The following ZSCAN2 variants were observed in gnomAD, a reference collection of about 807,000 sequenced individuals.
The protein encoded by ZSCAN2 is zinc finger and SCAN domain-containing protein 2.
In ZSCAN2, 26 loss-of-function variants were observed where a neutral mutation model predicts 47.8. The observed-to-expected ratio is 0.54, with a 90% CI of 0.40 to 0.75. The LOEUF (loss-of-function observed/expected upper bound fraction) is 0.75. Among genes scored for constraint, ZSCAN2 ranks in the 30% least tolerant of loss-of-function variants. The pLI, the probability that ZSCAN2 is intolerant of heterozygous loss-of-function variation, is 0.00. For synonymous variants in ZSCAN2, 305 were observed against 288.7 expected, an observed-to-expected ratio of 1.06 and a Z score of -0.57; for missense variants, 732 against 785.4, an observed-to-expected ratio of 0.93 and a Z score of 0.81.
chr15:84,618,333 T>G (rs1371940721), intron 2 of ZSCAN2, among the ~76,000 whole-genome samples: 2 of 151,958 alleles, frequency 1.3e-5, no homozygotes, highest in Non-Finnish European at 2.9e-5. Flanking sequence ...CAGGAGAATC[T>G]CTTGAACTCG....
rs1434448229 is a variant in ZSCAN2, at chr15:84,621,248, G to C, written c.1053G>C (p.Thr351=). The change falls in exon 3 of 3, where the codon ACG becomes ACC. Residue 351 remains threonine (T), a synonymous_variant. Coordinates refer to ENST00000546148, the MANE Select transcript of ZSCAN2 (RefSeq NM_181877.4). The surrounding 1 kb of genome is among the most constrained non-coding windows in gnomAD (Gnocchi z 5.7). ...TTGGCAACCGATCCAGCCTTAACAC[G>C]CATCAGGGGATCCACACTGGAGAAA... ...KSFGNRSSLN[T]HQGIHTGEKP... 1.2e-6 allele frequency: 2 copies of C among 1,613,034 alleles called. No individual in the cohort carries two copies. The highest frequency in any genetic ancestry group is 3.3e-5 in the Admixed American group (2 of 59,894).
At chr15:84,612,287 A>G (rs1191821661) in intron 2 of ZSCAN2, 1 of 152,334 alleles carries the variant, frequency 6.6e-6, no homozygotes, top group Non-Finnish European at 1.5e-5. Flanking sequence ...AGAACTGCCA[A>G]CCTTCCTTTG....
intron 2 of ZSCAN2, chr15:84,616,264 A>T (rs373380226): frequency 2.6e-4 from 244 of 942,558 alleles, no homozygotes; most frequent in Non-Finnish European, 3.5e-4. Flanking sequence ...AATACCTTGG[A>T]TTAATGTGCG....
At position 84,620,880 on chromosome 15, in the gene ZSCAN2, AAG is replaced by A; in HGVS notation, c.687_688del (p.Lys229AsnfsTer24). 1 of 1,614,188 alleles carries A rather than the reference AAG, an allele frequency of 6.2e-7. No individual in the cohort carries two copies. Among genetic ancestry groups the A allele is most frequent in the Non-Finnish European group, 8.5e-7 (1 of 1,180,032 alleles). On this transcript the variant is annotated frameshift_variant, in exon 3 of 3. Coordinates refer to ENST00000546148, the MANE Select transcript of ZSCAN2 (RefSeq NM_181877.4). LOFTEE classifies it high-confidence loss of function. ...EKPYECPQCG[K>X]TFSRKSHLIT... is the part of the protein sequence containing the mutation. The stretch of plus-strand genomic sequence containing the variant: ...GCCCTACGAATGTCCCCAGTGTGGG[AAG>A]ACCTTCAGCCGGAAATCCCACCTCA...
chr15:84,617,367 C>T (rs1038661698), intron 2 of ZSCAN2, among the ~76,000 whole-genome samples: 35 of 151,866 alleles, frequency 2.3e-4, no homozygotes, highest in Non-Finnish European at 1.5e-4. Flanking sequence ...ACCTGGGAGG[C>T]GGAGCTTGCC....
chr15:84,614,235 TCTCAC>T (rs1388391110), intron 2 of ZSCAN2, among the ~76,000 whole-genome samples: 1 of 152,020 alleles, frequency 6.6e-6, no homozygotes, highest in Non-Finnish European at 1.5e-5. Flanking sequence ...CATGCAGTCC[TCTCAC>T]CTCAGCCATC....
At position 84,615,438 on chromosome 15, in the gene ZSCAN2, G is replaced by A. The variant is rs187315586; in HGVS notation, c.407-5164G>A. Among the ~76,000 whole-genome samples the A allele has an allele frequency of 2.1e-3, 322 of 152,176 alleles. 1 individual carries two copies. The highest frequency in any genetic ancestry group is 7.5e-3 in the African/African-American group (310 of 41,518). ...CTCTGCCTCCTGGCCTCAAGCAATC[G>A]TCCTGCCTTGGCCTCTTAAGTAGCT... is the stretch of plus-strand genomic sequence containing the variant. On this transcript the variant is annotated intron_variant, in intron 2 of 2. Transcript: ENST00000546148.
chr15:84,621,747 G>A lies in ZSCAN2; in HGVS notation c.1552G>A (p.Val518Ile), dbSNP rs140896195. Residue 518 changes from valine (V) to isoleucine (I), a missense_variant, in exon 3 of 3, where the codon GTA (valine) becomes ATA (isoleucine). By Grantham distance (29) the Val-to-Ile change is conservative (BLOSUM62 3). Around this residue, in one of 2 missense-constraint regions of ZSCAN2, gnomAD observed 412 missense variants for 498.0 expected, o/e 0.83. Coordinates refer to ENST00000546148, the MANE Select transcript of ZSCAN2 (RefSeq NM_181877.4). The surrounding 1 kb of genome is among the most constrained non-coding windows in gnomAD (Gnocchi z 5.7). ...ATGCTTCAGCCAGCGCTCCCAGCTC[G>A]TAGTGCACCAGCGGACCCACACGGG... ...GKCFSQRSQL[V>I]VHQRTHTGEK... 55 of 1,613,974 alleles carry A rather than the reference G, an allele frequency of 3.4e-5. No homozygotes were observed. Among genetic ancestry groups the A allele is most frequent in the African/African-American group, 1.9e-4 (14 of 74,890 alleles).
chr15:84,619,932 T>G (rs1280065329), intron 2 of ZSCAN2, among the ~76,000 whole-genome samples: 2 of 151,656 alleles, frequency 1.3e-5, no homozygotes. Context: ...GGTTGGTTTT[T>G]TTTTTTTTTT....
In ZSCAN2 at chr15:84,622,313, A is replaced by G. The variant is rs1182137324; in HGVS notation, c.*273A>G. The G allele has an allele frequency of 3.5e-6, 2 of 574,780 alleles. No individual in the cohort carries two copies. The highest frequency in any genetic ancestry group is 4.7e-5 in the South Asian group (2 of 42,730). 35.6% of individuals were successfully genotyped at this position (574,780 alleles called of 1,614,324 possible). A position where few individuals can be genotyped will look rare whatever the true frequency, so the allele number is the denominator to read the frequency against. ...GTGACTTGATTGGCCCCCTCTCATG[A>G]TTCCTCTGTGCCTCAGTTTCCTCTT... On this transcript the variant is annotated 3_prime_UTR_variant, in exon 3 of 3. Transcript: ENST00000546148.
At chr15:84,603,424 A>G (rs938424853) in intron 1 of ZSCAN2, among the ~76,000 whole-genome samples, 3 of 146,010 alleles carry the variant, frequency 2.1e-5, no homozygotes, top group African/African-American at 7.7e-5. Context: ...GCTGGAGTGC[A>G]GTGGCGAGAT....
rs1331867763 is a variant in ZSCAN2 at position 84,621,979 on chromosome 15, T to C, written c.1784T>C (p.Phe595Ser). Residue 595 changes from phenylalanine to serine, a missense_variant, in exon 3 of 3, where the codon TTC becomes TCC. Coordinates refer to ENST00000546148, the MANE Select transcript of ZSCAN2 (RefSeq NM_181877.4). This position sits in a 1 kb window ranked among gnomAD's most constrained non-coding sequence, Gnocchi z 5.7. Reference sequence around the variant, plus strand: ...AAATGCCCCGAGTGTGGCAAAGGCTTCAGCAACAGCTCTAACTTTATCACA... The same window carrying C: ...AAATGCCCCGAGTGTGGCAAAGGCTCCAGCAACAGCTCTAACTTTATCACA... ...PYKCPECGKG[F>S]SNSSNFITHQ... The C allele has an allele frequency of 6.8e-6, 11 of 1,614,106 alleles. No individual in the cohort carries two copies. Among genetic ancestry groups the C allele is most frequent in the Non-Finnish European group, 8.5e-6 (10 of 1,179,970 alleles).
intron 2 of ZSCAN2, among the ~76,000 whole-genome samples, chr15:84,609,557 G>A (rs1487164574): frequency 6.6e-6 from 1 of 152,160 alleles, no homozygotes; most frequent in Non-Finnish European, 1.5e-5. Context: ...GAGCGGTAAC[G>A]TTATACCTAT....
intron 2 of ZSCAN2, chr15:84,606,501 T>C: frequency 3.8e-6 from 6 of 1,569,428 alleles, no homozygotes; most frequent in Non-Finnish European, 4.4e-6. Context: ...TCTATTAAAA[T>C]AAGCAAACCT....
chr15:84,618,461 G>C (rs970457221), intron 2 of ZSCAN2, among the ~76,000 whole-genome samples: 2 of 152,056 alleles, frequency 1.3e-5, no homozygotes, highest in African/African-American at 2.4e-5. Flanking sequence ...TTGAGGTCAA[G>C]AGGGAAATTT....
At position 84,604,189 on chromosome 15, in the gene ZSCAN2, C is replaced by CT; in HGVS notation, c.263dup (p.Arg89GlufsTer28). The CT allele has an allele frequency of 6.2e-7, 1 of 1,613,768 alleles. No individual in the cohort carries two copies. The highest frequency in any genetic ancestry group is 1.1e-5 in the South Asian group (1 of 91,062). On this transcript the variant is annotated frameshift_variant, in exon 2 of 3. Transcript: ENST00000546148. LOFTEE classifies it high-confidence loss of function. ...CCTCCGAGAGCTCTGCCGGCGCTGG[C>CT]TGAGACCAGAGGTACACACCAAGGA... is the stretch of plus-strand genomic sequence containing the variant.
chr15:84,602,468 G>C (rs913454251), intron 1 of ZSCAN2, among the ~76,000 whole-genome samples: 6 of 152,006 alleles, frequency 3.9e-5, no homozygotes, highest in Non-Finnish European at 7.4e-5. Context: ...ATTGCCAAAT[G>C]AAGATATTGA....
At chr15:84,610,694 T>G (rs1379103020) in intron 2 of ZSCAN2, among the ~76,000 whole-genome samples, 5 of 151,992 alleles carry the variant, frequency 3.3e-5, no homozygotes, top group African/African-American at 1.2e-4. Flanking sequence ...ACCATGTTGG[T>G]CAGGCTGGTC....
Position 84,622,700 on chromosome 15 carries a change from G to C in ZSCAN2, c.*660G>C. 1.4e-6 allele frequency: 1 copy of C among 717,328 alleles called. No individual in the cohort carries two copies. The highest frequency in any genetic ancestry group is 1.5e-5 in the South Asian group (1 of 67,554). The allele number at this position is 717,328 out of a possible 1,614,324, so 44.4% of individuals were successfully genotyped here. A position where few individuals can be genotyped will look rare whatever the true frequency, so the allele number is the denominator to read the frequency against. Reference sequence around the variant, plus strand: ...AGTACAGCCTGGAGCCAGTGTCCCAGTGTCCTTTCCATTGGTAAGAGTTGG... The same window carrying C: ...AGTACAGCCTGGAGCCAGTGTCCCACTGTCCTTTCCATTGGTAAGAGTTGG... On this transcript the variant is annotated 3_prime_UTR_variant, in exon 3 of 3. Coordinates refer to ENST00000546148, the MANE Select transcript of ZSCAN2 (RefSeq NM_181877.4).
Sources: gnomAD v4.1 joint callset for allele counts (sites outside exome capture counted in the v4.1 genomes callset) on GRCh38, gnomAD v4.1.1 for gene constraint, gnomAD v4.1.1 regional missense constraint, Gnocchi (gnomAD v3.1) non-coding constraint, MANE v1.5 for transcripts, NCBI Gene and HGNC (gene_info 2026-07-23, HGNC 2026-07-21) for gene names.